The following CACHD1 variants were observed in gnomAD, a reference collection of about 807,000 sequenced individuals.
The protein encoded by CACHD1 is cache domain containing 1.
CACHD1 carries 71 observed loss-of-function variants against 138.7 expected under a neutral mutation model. That is an observed-to-expected ratio of 0.51 (90% CI 0.42 to 0.62). CACHD1 has a LOEUF of 0.62. CACHD1 is among the 20% of genes least tolerant of loss of function. The pLI is 0.00. For missense variants in CACHD1, 1,389 were observed against 1,625.3 expected (o/e 0.85, Z 2.50); for synonymous variants, 578 against 591.5 (o/e 0.98, Z 0.33).
intron 1 of CACHD1, among the ~76,000 whole-genome samples, chr1:64,521,894 TA>T (rs1462121326): frequency 1.3e-5 from 2 of 152,236 alleles, no homozygotes; most frequent in African/African-American, 4.8e-5. Context: ...GATTTGCAAA[TA>T]TTTTCTCCCA....
chr1:64,677,726 T>G (rs1433155934), intron 22 of CACHD1, among the ~76,000 whole-genome samples: 2 of 152,200 alleles, frequency 1.3e-5, no homozygotes, highest in Admixed American at 1.3e-4. Flanking sequence ...CACTAAAGGC[T>G]CTGAGAAATT....
intron 1 of CACHD1, among the ~76,000 whole-genome samples, chr1:64,507,574 G>A (rs1646387282): frequency 6.6e-6 from 1 of 152,208 alleles, no homozygotes; most frequent in Admixed American, 6.5e-5. Flanking sequence ...AGAAGCAGGG[G>A]CAGGAAAATG....
At chr1:64,681,541 G>GGTTTTTTTTTGTTTTTTTTTTTT (rs1553146851) in intron 25 of CACHD1, among the ~76,000 whole-genome samples, 3 of 68,148 alleles carry the variant, frequency 4.4e-5, no homozygotes, top group South Asian at 6.3e-4. Flanking sequence ...ATTTTATTGT[G>GGTTTTTTTTTGTTTTTTTTTTTT]TTTTTTTTTT....
chr1:64,497,163 C>T (rs2100312056), intron 1 of CACHD1, among the ~76,000 whole-genome samples: 1 of 152,270 alleles, frequency 6.6e-6, no homozygotes. Flanking sequence ...TTTTATAGTG[C>T]CTCCAACACT....
chr1:64,648,025 A>G lies in CACHD1; in HGVS notation c.1381A>G (p.Met461Val). The G allele has an allele frequency of 6.2e-7, 1 of 1,611,700 alleles. No individual in the cohort carries two copies. The highest frequency in any genetic ancestry group is 8.5e-7 in the Non-Finnish European group (1 of 1,178,682). Reference protein sequence around the residue: ...AVFSLPFSDEMGDGLIMTVSK... With the variant: ...AVFSLPFSDEVGDGLIMTVSK... ...CTTCAGCCTGCCCTTCTCTGATGAG[A>G]TGGGAGATGGTGAGTTTGGATAAAC... is the stretch of plus-strand genomic sequence containing the variant. The change falls in exon 9 of 27, where the codon ATG becomes GTG. Residue 461 changes from methionine to valine, a missense_variant. This residue lies in a region of CACHD1 where 1,000 missense variants were observed against 1,114.7 expected (regional missense o/e 0.90). Coordinates refer to ENST00000651257, the MANE Select transcript of CACHD1 (RefSeq NM_020925.4).
At chr1:64,536,918 C>T (rs1334177424) in intron 1 of CACHD1, among the ~76,000 whole-genome samples, 2 of 152,060 alleles carry the variant, frequency 1.3e-5, no homozygotes, top group Non-Finnish European at 2.9e-5. Context: ...AGGCATGTTG[C>T]TGAAATTCCC....
At chr1:64,575,630 T>C (rs1204807642) in intron 2 of CACHD1, among the ~76,000 whole-genome samples, 2 of 152,184 alleles carry the variant, frequency 1.3e-5, no homozygotes. Context: ...CTAGGTTCAA[T>C]AGGAATTTTG....
intron 5 of CACHD1, among the ~76,000 whole-genome samples, chr1:64,630,175 G>A (rs1312026353): frequency 1.3e-5 from 2 of 152,168 alleles, no homozygotes; most frequent in Non-Finnish European, 2.9e-5. Context: ...CTCTAGTGCA[G>A]GGCACCCACT....
intron 26 of CACHD1, among the ~76,000 whole-genome samples, chr1:64,685,120 ATTTTAAAAAATC>A: frequency 6.6e-6 from 1 of 152,274 alleles, no homozygotes; most frequent in East Asian, 1.9e-4. Context: ...CAGGTGTACC[ATTTTAAAAAATC>A]TTTTATACGG....
intron 2 of CACHD1, among the ~76,000 whole-genome samples, chr1:64,575,031 T>TGC (rs1646956100): frequency 6.6e-6 from 1 of 152,256 alleles, no homozygotes; most frequent in South Asian, 2.1e-4. Flanking sequence ...CTTCTAGCTC[T>TGC]GTTGTTAGAA....
chr1:64,496,876 A>G (rs557217509), intron 1 of CACHD1, among the ~76,000 whole-genome samples: 2 of 151,620 alleles, frequency 1.3e-5, no homozygotes, highest in Admixed American at 6.6e-5. Context: ...AAAAAAAAAA[A>G]AAAGAAAGAA....
At chr1:64,610,795 G>A (rs370321074) in intron 4 of CACHD1, among the ~76,000 whole-genome samples, 42 of 152,260 alleles carry the variant, frequency 2.8e-4, no homozygotes, top group African/African-American at 9.9e-4. Flanking sequence ...AACTTTGCTA[G>A]GCAGTGCCCC....
intron 9 of CACHD1, among the ~76,000 whole-genome samples, chr1:64,650,848 A>G (rs1309127955): frequency 6.6e-6 from 1 of 152,228 alleles, no homozygotes; most frequent in African/African-American, 2.4e-5. Context: ...AGTTTTCTTT[A>G]GAGCCATAGG....
intron 2 of CACHD1, among the ~76,000 whole-genome samples, chr1:64,557,374 T>A (rs1176196178): frequency 6.6e-6 from 1 of 152,146 alleles, no homozygotes; most frequent in Non-Finnish European, 1.5e-5. Flanking sequence ...AGTAATTATT[T>A]ATATTAATAA....
At chr1:64,493,108 C>G (rs1436513034) in intron 1 of CACHD1, among the ~76,000 whole-genome samples, 1 of 152,248 alleles carries the variant, frequency 6.6e-6, no homozygotes, top group Admixed American at 6.5e-5. Context: ...GTTGTCACAT[C>G]AAACGAAATG....
At chr1:64,538,770 A>G (rs1353374101) in intron 1 of CACHD1, among the ~76,000 whole-genome samples, 1 of 152,244 alleles carries the variant, frequency 6.6e-6, no homozygotes, top group Non-Finnish European at 1.5e-5. Context: ...TTTGGACGTG[A>G]TATAAATGAA....
At chr1:64,577,785 T>A (rs990489108) in intron 2 of CACHD1, among the ~76,000 whole-genome samples, 2 of 152,206 alleles carry the variant, frequency 1.3e-5, no homozygotes, top group Non-Finnish European at 2.9e-5. Context: ...CTGACAGCTG[T>A]GAATCCAAGT....
chr1:64,578,210 A>C, intron 2 of CACHD1, among the ~76,000 whole-genome samples: 1 of 152,236 alleles, frequency 6.6e-6, no homozygotes, highest in Non-Finnish European at 1.5e-5. Flanking sequence ...GAATTTGTAT[A>C]AGTGAATGGC....
chr1:64,543,674 G>T (rs1423767527), intron 1 of CACHD1, among the ~76,000 whole-genome samples: 2 of 151,586 alleles, frequency 1.3e-5, no homozygotes, highest in Non-Finnish European at 1.5e-5. Context: ...TTTTTATTGG[G>T]CCTTCCATTT....
Sources: allele counts gnomAD v4.1 joint callset (sites outside exome capture counted in the v4.1 genomes callset), GRCh38; gene constraint gnomAD v4.1.1; regional missense constraint gnomAD v4.1.1; transcripts MANE v1.5; gene names NCBI Gene and HGNC (gene_info 2026-07-23, HGNC 2026-07-21).